The following CACNA2D3 variants were observed in gnomAD, a reference collection of about 807,000 sequenced individuals.
The protein encoded by CACNA2D3 is voltage-dependent calcium channel subunit alpha-2/delta-3.
CACNA2D3 carries 60 observed loss-of-function variants against 160.6 expected under a neutral mutation model. The ratio of observed to expected loss-of-function variants is 0.37; its 90% CI spans 0.30 to 0.46. The LOEUF (loss-of-function observed/expected upper bound fraction) is 0.46. Among genes scored for constraint, CACNA2D3 ranks in the 20% least tolerant of loss-of-function variants. The pLI is 1.00. For missense variants in CACNA2D3, 1,205 were observed against 1,365.0 expected, an observed-to-expected ratio of 0.88 and a Z score of 1.85; for synonymous variants, 558 against 492.9, an observed-to-expected ratio of 1.13 and a Z score of -1.75.
rs570004702 is a variant in CACNA2D3, at chr3:54,464,607, C to T, written c.382-38885C>T. Among the ~76,000 whole-genome samples, 70 of 152,306 alleles carry T rather than the reference C, an allele frequency of 4.6e-4. 1 individual carries two copies. The South Asian group carries it at 0.01, about 22-fold the overall frequency. Reference sequence around the variant, plus strand: ...TGCGGGATATAATCTCCTGGTGTGCCGTTTTTTAAGCCCGTCGGAAAAGGG... The same window carrying T: ...TGCGGGATATAATCTCCTGGTGTGCTGTTTTTTAAGCCCGTCGGAAAAGGG... On this transcript the variant is annotated intron_variant, in intron 4 of 37. Transcript: ENST00000474759.
At chr3:54,683,813 A>G (rs1262437158) in intron 11 of CACNA2D3, among the ~76,000 whole-genome samples, 2 of 152,132 alleles carry the variant, frequency 1.3e-5, no homozygotes, top group African/African-American at 4.8e-5. Flanking sequence ...TGAAAACTCT[A>G]GAGAAGAGTT....
chr3:54,743,198 CCTT>C (rs1343361691), intron 11 of CACNA2D3, among the ~76,000 whole-genome samples: 4 of 152,166 alleles, frequency 2.6e-5, no homozygotes, highest in African/African-American at 9.7e-5. Context: ...ACGGGTGCCT[CCTT>C]CTGCTCTCAC....
rs962364794 is a variant in CACNA2D3 at position 54,966,314 on chromosome 3, G to T, written c.2450-2136G>T. Among the ~76,000 whole-genome samples, 3 of 152,166 alleles carry T rather than the reference G, an allele frequency of 2.0e-5. No homozygotes were observed. The East Asian group carries it at 5.8e-4, about 29-fold the overall frequency. On this transcript the variant is annotated intron_variant, in intron 27 of 37. Coordinates refer to ENST00000474759, the MANE Select transcript of CACNA2D3 (RefSeq NM_018398.3). ...ACCCTGGCCTGTCAGGCATTTGGAAGATGAGATTTATTTGAAATGCAGTCA... is the reference window on the plus strand; with the variant it reads ...ACCCTGGCCTGTCAGGCATTTGGAATATGAGATTTATTTGAAATGCAGTCA...
At chr3:55,014,406 T>C (rs937728499) in intron 34 of CACNA2D3, among the ~76,000 whole-genome samples, 18 of 152,210 alleles carry the variant, frequency 1.2e-4, no homozygotes, top group African/African-American at 1.7e-4. Context: ...CTTTGTAAGA[T>C]GTGAGTTCTG....
At chr3:54,237,327 TGGAGAG>T (rs1422224883) in intron 2 of CACNA2D3, among the ~76,000 whole-genome samples, 4 of 152,124 alleles carry the variant, frequency 2.6e-5, no homozygotes, top group Non-Finnish European at 5.9e-5. Flanking sequence ...AGCAGAGGCT[TGGAGAG>T]GGAGAAAGCA....
Position 54,354,104 on chromosome 3 carries a change from A to G in CACNA2D3, c.322-32611A>G, listed in dbSNP as rs114323673. ...ATTCAAGGTCCTTTCAACTTCTCAC[A>G]TGAATCTCAGCCTTCCAGCCCCTCA... On this transcript the variant is annotated intron_variant, in intron 3 of 37. Transcript: ENST00000474759. Among the ~76,000 whole-genome samples, 413 of 152,234 alleles carry G rather than the reference A, an allele frequency of 2.7e-3. 2 individuals carry two copies. Among genetic ancestry groups the G allele is most frequent in the South Asian group, 0.014 (67 of 4,826 alleles).
intron 3 of CACNA2D3, among the ~76,000 whole-genome samples, chr3:54,366,092 G>T (rs1394957942): frequency 2.0e-5 from 3 of 152,160 alleles, no homozygotes; most frequent in Non-Finnish European, 4.4e-5. Flanking sequence ...GCATCTCTCT[G>T]AGCTCAGTAC....
At chr3:54,306,779 A>T (rs1377606273) in intron 2 of CACNA2D3, among the ~76,000 whole-genome samples, 1 of 152,176 alleles carries the variant, frequency 6.6e-6, no homozygotes, top group African/African-American at 2.4e-5. Context: ...CCAGCACATC[A>T]GTGGTTTCTG....
At chr3:54,569,718 A>C (rs753020399) in intron 6 of CACNA2D3, 77 bp from the exon 7 acceptor site, 2 of 1,201,736 alleles carry the variant, frequency 1.7e-6, no homozygotes, top group Non-Finnish European at 2.4e-6. Flanking sequence ...TTCAATCAGC[A>C]AAGTAGAGCA....
At chr3:54,390,382 A>C (rs1699258629) in intron 4 of CACNA2D3, among the ~76,000 whole-genome samples, 1 of 152,168 alleles carries the variant, frequency 6.6e-6, no homozygotes, top group South Asian at 2.1e-4. Flanking sequence ...TCTTGAAAAA[A>C]TGAGGCACCA....
intron 13 of CACNA2D3, among the ~76,000 whole-genome samples, chr3:54,810,806 C>A (rs1000551234): frequency 6.6e-6 from 1 of 152,188 alleles, no homozygotes; most frequent in African/African-American, 2.4e-5. Flanking sequence ...CAATCACCCC[C>A]ATGGGTCTGT....
rs551707206 is a variant in CACNA2D3, at chr3:54,901,735, C to A, written c.2449+1867C>A. ...TACCTTTTAGAATTGGTGACTGTTA[C>A]CCTTTTTCAAACTTTGGTAGACGTA... is the stretch of plus-strand genomic sequence containing the variant. On this transcript the variant is annotated intron_variant, in intron 27 of 37. Transcript: ENST00000474759. 5.3e-4 allele frequency among the ~76,000 whole-genome samples: 81 copies of A among 152,290 alleles called. 1 individual carries two copies. Among genetic ancestry groups the A allele is most frequent in the Admixed American group, 4.5e-3 (69 of 15,294 alleles).
At chr3:54,255,915 G>A (rs978298864) in intron 2 of CACNA2D3, among the ~76,000 whole-genome samples, 1 of 152,080 alleles carries the variant, frequency 6.6e-6, no homozygotes, top group Non-Finnish European at 1.5e-5. Flanking sequence ...GAGGTTAAGC[G>A]AGGTTAAGTA....
intron 11 of CACNA2D3, among the ~76,000 whole-genome samples, chr3:54,716,445 A>G (rs547749056): frequency 5.3e-5 from 8 of 152,340 alleles, no homozygotes; most frequent in Admixed American, 2.0e-4. Context: ...TTGTGAATCC[A>G]TATGTTGCGT....
chr3:54,826,623 TCTGAAGC>T (rs1255216172), intron 14 of CACNA2D3, among the ~76,000 whole-genome samples: 1 of 152,142 alleles, frequency 6.6e-6, no homozygotes, highest in Non-Finnish European at 1.5e-5. Context: ...GCTGGGTACT[TCTGAAGC>T]ATCTGTCCCT....
Position 54,596,828 on chromosome 3 carries a change from G to C in CACNA2D3, c.963+14951G>C, listed in dbSNP as rs571166223. ...TTCTCCCACACTCCTTCTTCGCCTGGTTAACTCTTTCCCATTTTCTGATCT... is the reference window on the plus strand; with the variant it reads ...TTCTCCCACACTCCTTCTTCGCCTGCTTAACTCTTTCCCATTTTCTGATCT... On this transcript the variant is annotated intron_variant, in intron 9 of 37. Coordinates refer to ENST00000474759, the MANE Select transcript of CACNA2D3 (RefSeq NM_018398.3). 1.3e-4 allele frequency among the ~76,000 whole-genome samples: 20 copies of C among 151,974 alleles called. No individual in the cohort carries two copies. The South Asian group carries it at 1.5e-3, about 11-fold the overall frequency.
chr3:54,673,675 T>C (rs567575863), intron 11 of CACNA2D3, among the ~76,000 whole-genome samples: 1 of 152,302 alleles, frequency 6.6e-6, no homozygotes, highest in South Asian at 2.1e-4. Context: ...CTTTGAAAAA[T>C]ATCAAAGGTA....
chr3:55,058,876 T>C (rs1465741894), intron 35 of CACNA2D3, among the ~76,000 whole-genome samples: 1 of 152,200 alleles, frequency 6.6e-6, no homozygotes, highest in African/African-American at 2.4e-5. Context: ...TTGCCTCATC[T>C]GTAAAATCAG....
intron 5 of CACNA2D3, among the ~76,000 whole-genome samples, chr3:54,552,668 G>A (rs1702177799): frequency 6.6e-6 from 1 of 152,130 alleles, no homozygotes; most frequent in African/African-American, 2.4e-5. Context: ...CACATTGTAA[G>A]TGCCCCCTAA....
Sources: allele counts gnomAD v4.1 joint callset (sites outside exome capture counted in the v4.1 genomes callset), GRCh38; gene constraint gnomAD v4.1.1; transcripts MANE v1.5; gene names NCBI Gene and HGNC (gene_info 2026-07-23, HGNC 2026-07-21).